Variants in ARHGAP22 observed in about 807,000 individuals in gnomAD.
ARHGAP22 encodes the protein Rho GTPase activating protein 22.
ARHGAP22 carries 48 observed loss-of-function variants against 59.1 expected under a neutral mutation model. The ratio of observed to expected loss-of-function variants is 0.81; its 90% CI spans 0.64 to 1.03. The LOEUF (loss-of-function observed/expected upper bound fraction) is 1.03. ARHGAP22 is among the 50% of genes least tolerant of loss of function. The pLI, the probability that ARHGAP22 is intolerant of heterozygous loss-of-function variation, is 0.00. For missense variants in ARHGAP22, 1,015 were observed against 958.7 expected, an observed-to-expected ratio of 1.06 and a Z score of -0.78; for synonymous variants, 445 against 416.4, an observed-to-expected ratio of 1.07 and a Z score of -0.84.
rs536549028 is a variant in ARHGAP22 at position 48,556,183 on chromosome 10, G to A, written c.235-633C>T. On this transcript the variant is annotated intron_variant, in intron 2 of 9. Coordinates refer to ENST00000249601, the MANE Select transcript of ARHGAP22 (RefSeq NM_021226.4). Reference sequence around the variant, plus strand: ...GAAAAAAAGCATGAGGTATAGGGACGGGGAGGCTGGCTTTGAGTCCCAGCC... The same window carrying A: ...GAAAAAAAGCATGAGGTATAGGGACAGGGAGGCTGGCTTTGAGTCCCAGCC... Among the ~76,000 whole-genome samples, 6 of 152,242 alleles carry A rather than the reference G, an allele frequency of 3.9e-5. No homozygotes were observed. The South Asian group carries it at 1.0e-3, about 26-fold the overall frequency.
At chr10:48,471,012 C>G (rs2048179105) in intron 4 of ARHGAP22, among the ~76,000 whole-genome samples, 1 of 152,216 alleles carries the variant, frequency 6.6e-6, no homozygotes, top group South Asian at 2.1e-4. Context: ...TACCAGCTAA[C>G]AAGGTTGCAT....
chr10:48,450,737 C>G lies in ARHGAP22; in HGVS notation c.1392G>C (p.Gly464=), dbSNP rs775111667. The stretch of plus-strand genomic sequence containing the variant: ...GGCGGTGTCCGCGCAGGGAGGACAG[C>G]CCGTTCATAAGCCAGTTCCCGCCGG... ...ISSGGNWLMN[G]LSSLRGHRRA... Residue 464 remains glycine (G), a synonymous_variant, in exon 9 of 10, where the codon GGG becomes GGC. Transcript: ENST00000249601. 2 of 1,558,732 alleles carry G rather than the reference C, an allele frequency of 1.3e-6. No homozygotes were observed. Among genetic ancestry groups the G allele is most frequent in the African/African-American group, 2.7e-5 (2 of 73,592 alleles).
intron 3 of ARHGAP22, among the ~76,000 whole-genome samples, chr10:48,533,749 C>T (rs1272953066): frequency 6.6e-6 from 1 of 152,198 alleles, no homozygotes; most frequent in Non-Finnish European, 1.5e-5. Flanking sequence ...ACTTTATGTA[C>T]AATAGCAGGT....
intron 1 of ARHGAP22, among the ~76,000 whole-genome samples, chr10:48,631,891 T>C (rs1248235401): frequency 6.6e-6 from 1 of 152,248 alleles, no homozygotes; most frequent in African/African-American, 2.4e-5. Context: ...TAACATTTCT[T>C]GTAGGACAAG....
At position 48,479,643 on chromosome 10, in the gene ARHGAP22, C is replaced by T; in HGVS notation, c.444G>A (p.Leu148=). 6.2e-7 allele frequency: 1 copy of T among 1,613,834 alleles called. No homozygotes were observed. Among genetic ancestry groups the T allele is most frequent in the East Asian group, 2.2e-5 (1 of 44,878 alleles). ...QAIRRVIWAP[L]GGGIFGQRLE... is the part of the protein sequence containing the mutation. Reference sequence around the variant, plus strand: ...GCGATCTACGGGCAGTACCTCCGCCCAGCGGGGCCCAGATGACTCGGCGGA... The same window carrying T: ...GCGATCTACGGGCAGTACCTCCGCCTAGCGGGGCCCAGATGACTCGGCGGA... The change falls in exon 4 of 10, where the codon CTG becomes CTA. Residue 148 remains leucine, a synonymous_variant. Coordinates refer to ENST00000249601, the MANE Select transcript of ARHGAP22 (RefSeq NM_021226.4).
At chr10:48,479,537 C>T in intron 4 of ARHGAP22, 99 bp downstream of exon 4, 1 of 1,595,366 alleles carries the variant, frequency 6.3e-7, no homozygotes, top group South Asian at 1.1e-5. Flanking sequence ...GCCAGCAAGT[C>T]CTCAGTGAGC....
In ARHGAP22 at chr10:48,487,866, A is replaced by G. The variant is rs143928060; in HGVS notation, c.323-8102T>C. Among the ~76,000 whole-genome samples the G allele has an allele frequency of 3.2e-3, 486 of 152,270 alleles. 2 individuals carry two copies. Among genetic ancestry groups the G allele is most frequent in the African/African-American group, 0.011 (463 of 41,544 alleles). The stretch of plus-strand genomic sequence containing the variant: ...AGGATTGCTTGAGCCCCAGTTCAAG[A>G]CCAGCCTGGGCAACATGGCAAGACC... On this transcript the variant is annotated intron_variant, in intron 3 of 9. Transcript: ENST00000249601.
rs149764967 is a variant in ARHGAP22 at position 48,595,635 on chromosome 10, C to T, written c.34+9128G>A. Among the ~76,000 whole-genome samples the T allele has an allele frequency of 2.1e-3, 321 of 152,274 alleles. 2 individuals are homozygous for T. The highest frequency in any genetic ancestry group is 7.4e-3 in the African/African-American group (307 of 41,562). On this transcript the variant is annotated intron_variant, in intron 1 of 9. Transcript: ENST00000249601. ...AACTCTTAGGTTCAGATGATTCTCC[C>T]ACCTCAGCCTTCTGAGTAGCTGAGA...
chr10:48,456,707 C>T (rs1031160500), intron 5 of ARHGAP22, among the ~76,000 whole-genome samples: 1 of 152,120 alleles, frequency 6.6e-6, no homozygotes, highest in African/African-American at 2.4e-5. Context: ...CACCCCTCCT[C>T]TGCAGACCTG....
chr10:48,551,687 C>A (rs932979277), intron 3 of ARHGAP22, among the ~76,000 whole-genome samples: 13 of 152,218 alleles, frequency 8.5e-5, no homozygotes, highest in African/African-American at 2.9e-4. Context: ...CAGGCCACAG[C>A]CACAAGAGGA....
intron 5 of ARHGAP22, among the ~76,000 whole-genome samples, chr10:48,458,663 T>C (rs1474009955): frequency 1.3e-5 from 2 of 152,104 alleles, no homozygotes; most frequent in South Asian, 2.1e-4. Context: ...GTGACATTAT[T>C]TGAAGCAATC....
intron 3 of ARHGAP22, among the ~76,000 whole-genome samples, chr10:48,506,729 T>C (rs143202061): frequency 3.9e-5 from 6 of 152,260 alleles, no homozygotes; most frequent in African/African-American, 1.4e-4. Flanking sequence ...TCTAAATCAA[T>C]GGTGCCCTCT....
intron 2 of ARHGAP22, among the ~76,000 whole-genome samples, chr10:48,561,510 A>T (rs541185614): frequency 4.6e-5 from 7 of 152,302 alleles, no homozygotes; most frequent in Admixed American, 3.3e-4. Context: ...CATTTAAATT[A>T]AAAAAACTGC....
At chr10:48,600,475 T>C (rs1188723119) in intron 1 of ARHGAP22, among the ~76,000 whole-genome samples, 1 of 152,022 alleles carries the variant, frequency 6.6e-6, no homozygotes, top group Admixed American at 6.6e-5. Context: ...TTGTGCATTT[T>C]ACTCTGTAAA....
intron 2 of ARHGAP22, among the ~76,000 whole-genome samples, chr10:48,578,045 A>G (rs1814476): frequency 0.98 from 149,254 of 152,054 alleles, 73,309 homozygotes; most frequent in Middle Eastern, 1. Flanking sequence ...CTGACCTCAA[A>G]TGATCTGCCT....
chr10:48,618,124 C>A (rs556700985), intron 1 of ARHGAP22, among the ~76,000 whole-genome samples: 2 of 152,008 alleles, frequency 1.3e-5, no homozygotes, highest in South Asian at 4.2e-4. Flanking sequence ...AATTTCTGGA[C>A]ATATACAACC....
chr10:48,500,441 G>A (rs1045241430), intron 3 of ARHGAP22, among the ~76,000 whole-genome samples: 2 of 152,166 alleles, frequency 1.3e-5, no homozygotes, highest in Non-Finnish European at 2.9e-5. Flanking sequence ...ACACACATAT[G>A]GGAGTTTGGA....
chr10:48,496,808 T>C (rs1481022220), intron 3 of ARHGAP22, among the ~76,000 whole-genome samples: 2 of 152,182 alleles, frequency 1.3e-5, no homozygotes, highest in African/African-American at 4.8e-5. Flanking sequence ...TCTTGCCCTA[T>C]GGAGTTCACA....
chr10:48,461,671 G>A (rs2047146251), intron 4 of ARHGAP22, among the ~76,000 whole-genome samples: 1 of 152,120 alleles, frequency 6.6e-6, no homozygotes, highest in Non-Finnish European at 1.5e-5. Flanking sequence ...TCTACACCAC[G>A]GCACAGTAAC....
Sources: allele counts gnomAD v4.1 joint callset (sites outside exome capture counted in the v4.1 genomes callset), GRCh38; gene constraint gnomAD v4.1.1; transcripts MANE v1.5; gene names NCBI Gene and HGNC (gene_info 2026-07-23, HGNC 2026-07-21).